Variants in KLF12 observed in about 807,000 individuals in gnomAD.
KLF12 encodes Krueppel-like factor 12.
KLF12 carries 9 observed loss-of-function variants against 37.8 expected under a neutral mutation model. The ratio of observed to expected loss-of-function variants is 0.24; its 90% CI spans 0.14 to 0.42. The LOEUF (loss-of-function observed/expected upper bound fraction) is 0.42. Among genes scored for constraint, KLF12 ranks in the 10% least tolerant of loss-of-function variants. The pLI is 1.00. For missense variants in KLF12, 411 were observed against 516.0 expected, an observed-to-expected ratio of 0.80 and a Z score of 1.97; for synonymous variants, 208 against 202.1, an observed-to-expected ratio of 1.03 and a Z score of -0.25.
intron 6 of KLF12, among the ~76,000 whole-genome samples, chr13:73,719,606 G>T (rs1436786874): frequency 4.0e-5 from 6 of 149,980 alleles, no homozygotes; most frequent in Non-Finnish European, 4.4e-5. Context: ...TCCCCGAGTT[G>T]CTTTTTTTTT....
At chr13:74,140,236 T>C in the KLF12 span, among the ~76,000 whole-genome samples, 1 of 152,230 alleles carries the variant, frequency 6.6e-6, no homozygotes, top group Non-Finnish European at 1.5e-5. Context: ...ATTTTATCAG[T>C]TTATGGCCAG....
At chr13:73,781,163 G>A (rs147543580) in intron 5 of KLF12, among the ~76,000 whole-genome samples, 156 of 152,332 alleles carry the variant, frequency 1.0e-3, no homozygotes, top group African/African-American at 3.7e-3. Context: ...TGAAACCTCA[G>A]ATGATCATTA....
At chr13:73,984,252 C>T (rs2182038) in intron 2 of KLF12, among the ~76,000 whole-genome samples, 129,070 of 151,918 alleles carry the variant, frequency 0.85, 55,120 homozygotes, top group Middle Eastern at 0.91. Flanking sequence ...ATAAGAGCCA[C>T]CCTGGCGGGA....
chr13:74,071,971 AC>A (rs573960651), intron 1 of KLF12, among the ~76,000 whole-genome samples: 3 of 151,674 alleles, frequency 2.0e-5, no homozygotes, highest in Admixed American at 6.6e-5. Flanking sequence ...TTCCTCCCCA[AC>A]CCCCCCACCT....
At chr13:73,935,791 C>T (rs903749442) in intron 3 of KLF12, among the ~76,000 whole-genome samples, 1 of 152,058 alleles carries the variant, frequency 6.6e-6, no homozygotes, top group Non-Finnish European at 1.5e-5. Flanking sequence ...CCATGCCTGG[C>T]TAATTTTTGT....
At chr13:74,085,999 TATATATA>T (rs1180126577) in intron 1 of KLF12, among the ~76,000 whole-genome samples, 2 of 151,290 alleles carry the variant, frequency 1.3e-5, no homozygotes, top group African/African-American at 4.8e-5. Flanking sequence ...TGATATATAT[TATATATA>T]AAATTATGAA....
intron 1 of KLF12, among the ~76,000 whole-genome samples, chr13:74,052,670 A>C (rs1872996609): frequency 1.3e-5 from 2 of 152,192 alleles, no homozygotes; most frequent in Admixed American, 1.3e-4. Flanking sequence ...TCAATGTGCC[A>C]GAGTCAACAT....
At chr13:73,736,720 G>T (rs970704240) in intron 6 of KLF12, among the ~76,000 whole-genome samples, 2 of 152,152 alleles carry the variant, frequency 1.3e-5, no homozygotes, top group Non-Finnish European at 2.9e-5. Context: ...TCCATGCAGG[G>T]TTAATGGGGT....
At chr13:73,849,925 T>C (rs1004530056) in intron 3 of KLF12, among the ~76,000 whole-genome samples, 7 of 152,210 alleles carry the variant, frequency 4.6e-5, no homozygotes, top group Non-Finnish European at 1.0e-4. Flanking sequence ...ATATTCATGC[T>C]AAAACCCTCC....
upstream of KLF12, among the ~76,000 whole-genome samples, chr13:74,138,678 T>A (rs1878625439): frequency 6.6e-6 from 1 of 152,188 alleles, no homozygotes; most frequent in South Asian, 2.1e-4. Context: ...CTTCCTCCAG[T>A]CACTTTCATG....
chr13:73,918,122 CAGAG>C (rs377753257), intron 3 of KLF12, among the ~76,000 whole-genome samples: 7 of 149,746 alleles, frequency 4.7e-5, no homozygotes, highest in Non-Finnish European at 8.9e-5. Context: ...TCTATGTATA[CAGAG>C]AGAGAGAGAG....
At chr13:73,915,123 G>A (rs1888754067) in intron 3 of KLF12, among the ~76,000 whole-genome samples, 1 of 151,976 alleles carries the variant, frequency 6.6e-6, no homozygotes. Flanking sequence ...GTATTCCCTG[G>A]CTCCTGTCTG....
chr13:74,242,054 G>T, the KLF12 span, among the ~76,000 whole-genome samples: 1 of 152,140 alleles, frequency 6.6e-6, no homozygotes, highest in African/African-American at 2.4e-5. Context: ...AATTTTAAAA[G>T]TTCTGTATTT....
At chr13:73,709,484 A>T (rs920395997) in intron 7 of KLF12, among the ~76,000 whole-genome samples, 4 of 152,216 alleles carry the variant, frequency 2.6e-5, no homozygotes, top group African/African-American at 9.6e-5. Context: ...AACCAACCTG[A>T]TTCCCTATAG....
At chr13:74,156,131 T>G in the KLF12 span, among the ~76,000 whole-genome samples, 1 of 152,226 alleles carries the variant, frequency 6.6e-6, no homozygotes, top group Non-Finnish European at 1.5e-5. Context: ...CTTCCAAAGT[T>G]ACATCTTGGG....
chr13:74,248,544 A>G, the KLF12 span, among the ~76,000 whole-genome samples: 8 of 152,318 alleles, frequency 5.3e-5, no homozygotes, highest in Admixed American at 2.6e-4. Context: ...TCGTATGTGT[A>G]TATACTAGAT....
chr13:74,193,264 G>A, the KLF12 span, among the ~76,000 whole-genome samples: 2 of 152,188 alleles, frequency 1.3e-5, no homozygotes, highest in East Asian at 1.9e-4. Flanking sequence ...ACAGGTGTGA[G>A]CCACAGTGCC....
rs144820871 is a variant in KLF12, at chr13:73,962,202, A to C, written c.34-18132T>G. Among the ~76,000 whole-genome samples, 265 of 152,320 alleles carry C rather than the reference A, an allele frequency of 1.7e-3. 3 individuals are homozygous for C. Among genetic ancestry groups the C allele is most frequent in the African/African-American group, 6.1e-3 (252 of 41,570 alleles). ...CAGGAACCTTACATGCATATTACTG[A>C]GTGAAAAATAAATTTAAAAAGCCAG... On this transcript the variant is annotated intron_variant, in intron 2 of 7. Transcript: ENST00000377669.
intron 1 of KLF12, among the ~76,000 whole-genome samples, chr13:73,995,878 C>T (rs1892102869): frequency 6.6e-6 from 1 of 152,166 alleles, no homozygotes; most frequent in African/African-American, 2.4e-5. Context: ...CTTTGGCATT[C>T]AGTTGAGCCA....
Sources: allele counts gnomAD v4.1 joint callset (sites outside exome capture counted in the v4.1 genomes callset), GRCh38; gene constraint gnomAD v4.1.1; transcripts MANE v1.5; gene names NCBI Gene and HGNC (gene_info 2026-07-23, HGNC 2026-07-21).